Variants in THSD4 observed in about 807,000 individuals in gnomAD.
THSD4 encodes thrombospondin type-1 domain-containing protein 4.
THSD4 carries 69 observed loss-of-function variants against 119.0 expected under a neutral mutation model. That is an observed-to-expected ratio of 0.58 (90% CI 0.48 to 0.71). The LOEUF (loss-of-function observed/expected upper bound fraction) is 0.71. Ranked by LOEUF, THSD4 falls within the 30% of genes least tolerant of loss-of-function variation. The pLI, the probability that THSD4 is intolerant of heterozygous loss-of-function variation, is 0.00. For synonymous variants in THSD4, 524 were observed against 540.4 expected (o/e 0.97, Z 0.42); for missense variants, 1,393 against 1,391.1 (o/e 1.00, Z -0.02).
At chr15:71,729,760 A>G (rs1391119112) in intron 9 of THSD4, 1 of 152,028 alleles carries the variant, frequency 6.6e-6, no homozygotes, top group Non-Finnish European at 1.5e-5. Context: ...AAACGGGACA[A>G]GGTTTTGCAC....
intron 7 of THSD4, among the ~76,000 whole-genome samples, chr15:71,626,956 A>G (rs2050521572): frequency 6.6e-6 from 1 of 152,226 alleles, no homozygotes; most frequent in Admixed American, 6.5e-5. Flanking sequence ...CTTACCCATA[A>G]AACTGTCTAC....
At chr15:71,755,921 G>A (rs993396494) in intron 14 of THSD4, among the ~76,000 whole-genome samples, 4 of 151,660 alleles carry the variant, frequency 2.6e-5, no homozygotes, top group Non-Finnish European at 4.4e-5. Context: ...GAGCATTCTG[G>A]GTGGAGGGAA....
intron 7 of THSD4, among the ~76,000 whole-genome samples, chr15:71,641,963 T>C (rs1275906924): frequency 6.6e-6 from 1 of 152,134 alleles, no homozygotes; most frequent in Non-Finnish European, 1.5e-5. Context: ...TTTAGGCAAA[T>C]ACATAAAACC....
intron 7 of THSD4, among the ~76,000 whole-genome samples, chr15:71,619,852 T>G (rs2050390662): frequency 6.6e-6 from 1 of 152,204 alleles, no homozygotes; most frequent in Admixed American, 6.5e-5. Context: ...GATACCTGAT[T>G]GGTGATCCTG....
At chr15:71,112,625 T>C (rs1218892373), upstream of THSD4, among the ~76,000 whole-genome samples, 3 of 152,216 alleles carry the variant, frequency 2.0e-5, no homozygotes, top group African/African-American at 7.2e-5. Context: ...GACACTGACA[T>C]GCCAGGCAGG....
intron 7 of THSD4, among the ~76,000 whole-genome samples, chr15:71,612,903 C>T (rs1488439684): frequency 7.9e-5 from 12 of 152,306 alleles, no homozygotes; most frequent in African/African-American, 2.4e-4. Flanking sequence ...AAGAAGTAAA[C>T]TCATAGATTA....
At chr15:71,768,968 TCGGCCCCCCGCCCGGC>T (rs2053766568) in intron 16 of THSD4, among the ~76,000 whole-genome samples, 1 of 71,644 alleles carries the variant, frequency 1.4e-5, no homozygotes, top group Admixed American at 1.5e-4. Flanking sequence ...GGTGGGGGGG[TCGGCCCCCCGCCCGGC>T]CAGCCGCCCC....
At chr15:71,140,043 G>C (rs1299693692) in intron 1 of THSD4, among the ~76,000 whole-genome samples, 1 of 152,256 alleles carries the variant, frequency 6.6e-6, no homozygotes, top group Non-Finnish European at 1.5e-5. Flanking sequence ...TGTTTAGTGA[G>C]GGCTTCTGAA....
intron 7 of THSD4, among the ~76,000 whole-genome samples, chr15:71,493,087 A>C (rs2047947987): frequency 6.6e-6 from 1 of 152,208 alleles, no homozygotes; most frequent in South Asian, 2.1e-4. Context: ...CTCCAAAATA[A>C]ATAAACCTGC....
At chr15:71,203,793 G>A (rs2043821987) in intron 3 of THSD4, among the ~76,000 whole-genome samples, 1 of 152,192 alleles carries the variant, frequency 6.6e-6, no homozygotes, top group Non-Finnish European at 1.5e-5. Context: ...TTGAACACTT[G>A]CTGCGTGCTG....
chr15:71,572,126 T>C (rs1216388478), intron 7 of THSD4, among the ~76,000 whole-genome samples: 1 of 152,172 alleles, frequency 6.6e-6, no homozygotes, highest in African/African-American at 2.4e-5. Flanking sequence ...TATAATAAAA[T>C]AAAATCCTAC....
intron 1 of THSD4, among the ~76,000 whole-genome samples, chr15:71,133,612 G>C (rs1488495618): frequency 6.6e-6 from 1 of 152,164 alleles, no homozygotes; most frequent in Non-Finnish European, 1.5e-5. Context: ...TGTAAATCAA[G>C]CAACGAAGTC....
At chr15:71,583,671 G>A (rs12591454) in intron 7 of THSD4, among the ~76,000 whole-genome samples, 39,185 of 151,982 alleles carry the variant, frequency 0.26, 5,599 homozygotes, top group Non-Finnish European at 0.32. Flanking sequence ...GGTTGTTCAA[G>A]AGTGGATTTA....
chr15:71,213,602 C>G, intron 3 of THSD4, among the ~76,000 whole-genome samples: 1 of 152,164 alleles, frequency 6.6e-6, no homozygotes, highest in East Asian at 1.9e-4. Flanking sequence ...CACTGGCATA[C>G]AGCTGGTGCT....
chr15:71,711,507 A>G (rs1211449729), intron 8 of THSD4, among the ~76,000 whole-genome samples: 1 of 152,154 alleles, frequency 6.6e-6, no homozygotes, highest in Non-Finnish European at 1.5e-5. Flanking sequence ...TGCAAGTACA[A>G]AAAAAGAAAG....
In THSD4 at chr15:71,411,814, G is replaced by A. The variant is rs752961288; in HGVS notation, c.1143G>A (p.Gly381=). ...DQNGTAICVS[G]QCKSIGCDDY... is the part of the protein sequence containing the mutation. Reference sequence around the variant, plus strand: ...ACGGCACGGCCATCTGTGTGTCTGGGCAGTGCAAGGTAAGTGCCCCCGAAC... The same window carrying A: ...ACGGCACGGCCATCTGTGTGTCTGGACAGTGCAAGGTAAGTGCCCCCGAAC... The change falls in exon 7 of 18, where the codon GGG becomes GGA. Residue 381 remains glycine (G), a synonymous_variant. Coordinates refer to ENST00000261862, the MANE Select transcript of THSD4 (RefSeq NM_024817.3). 1 of 1,614,014 alleles carries A rather than the reference G, an allele frequency of 6.2e-7. No individual in the cohort carries two copies. Among genetic ancestry groups the A allele is most frequent in the South Asian group, 1.1e-5 (1 of 91,080 alleles).
At chr15:71,112,991 C>A (rs539941472), upstream of THSD4, among the ~76,000 whole-genome samples, 10 of 151,906 alleles carry the variant, frequency 6.6e-5, no homozygotes, top group Non-Finnish European at 1.2e-4. Context: ...CCAGCCTGGG[C>A]AACACAGCAA....
intron 7 of THSD4, among the ~76,000 whole-genome samples, chr15:71,512,854 T>C (rs953207573): frequency 6.6e-6 from 1 of 152,206 alleles, no homozygotes; most frequent in Admixed American, 6.5e-5. Context: ...CTCTGTTTTT[T>C]ACAGGGACTT....
At chr15:71,654,073 C>T (rs1053939526) in intron 7 of THSD4, among the ~76,000 whole-genome samples, 12 of 152,308 alleles carry the variant, frequency 7.9e-5, no homozygotes, top group African/African-American at 2.4e-4. Context: ...GTTGCAACTA[C>T]TTAATCTGCT....
Sources: gnomAD v4.1 joint callset for allele counts (sites outside exome capture counted in the v4.1 genomes callset) on GRCh38, gnomAD v4.1.1 for gene constraint, MANE v1.5 for transcripts, NCBI Gene and HGNC (gene_info 2026-07-23, HGNC 2026-07-21) for gene names.